The following KIAA0232 variants were observed in gnomAD, a reference collection of about 807,000 sequenced individuals.
The protein encoded by KIAA0232 is uncharacterized protein KIAA0232.
A neutral mutation model predicts 122.0 loss-of-function variants in KIAA0232; 27 were observed. The observed-to-expected ratio is 0.22, with a 90% CI of 0.16 to 0.31. The LOEUF (loss-of-function observed/expected upper bound fraction) is 0.31. Ranked by LOEUF, KIAA0232 falls within the 10% of genes least tolerant of loss-of-function variation. KIAA0232 has a pLI of 1.00. For synonymous variants in KIAA0232, 613 were observed against 587.6 expected (o/e 1.04, Z -0.63); for missense variants, 1,551 against 1,634.2 (o/e 0.95, Z 0.88).
chr4:6,802,202 C>A (rs1178870912), intron 1 of KIAA0232, among the ~76,000 whole-genome samples: 1 of 152,192 alleles, frequency 6.6e-6, no homozygotes, highest in African/African-American at 2.4e-5. Flanking sequence ...TTGGCCAACC[C>A]CATTAGAATA....
At chr4:6,872,506 GAC>G (rs1383512713) in intron 8 of KIAA0232, among the ~76,000 whole-genome samples, 4 of 152,196 alleles carry the variant, frequency 2.6e-5, no homozygotes, top group Non-Finnish European at 4.4e-5. Flanking sequence ...CTTCCAGGTA[GAC>G]ACCCAGAAGT....
At chr4:6,802,054 T>A (rs956613239) in intron 1 of KIAA0232, among the ~76,000 whole-genome samples, 1 of 152,184 alleles carries the variant, frequency 6.6e-6, no homozygotes, top group African/African-American at 2.4e-5. Flanking sequence ...CAAGTTGGGT[T>A]CTCTGGGAAG....
At chr4:6,792,202 C>T (rs1324549498) in intron 1 of KIAA0232, among the ~76,000 whole-genome samples, 5 of 152,128 alleles carry the variant, frequency 3.3e-5, no homozygotes, top group Non-Finnish European at 5.9e-5. Flanking sequence ...TACAGATTTG[C>T]TTTACCATGT....
At chr4:6,808,583 TGA>T (rs1326312607) in intron 2 of KIAA0232, among the ~76,000 whole-genome samples, 1 of 151,322 alleles carries the variant, frequency 6.6e-6, no homozygotes, top group Non-Finnish European at 1.5e-5. Flanking sequence ...AGGAAAATCC[TGA>T]GAGAGTCATG....
chr4:6,823,823 T>C (rs1224219892), intron 2 of KIAA0232, among the ~76,000 whole-genome samples: 2 of 152,104 alleles, frequency 1.3e-5, no homozygotes, highest in Non-Finnish European at 2.9e-5. Context: ...AAGTTCACAA[T>C]GTTGTTTTAA....
intron 3 of KIAA0232, among the ~76,000 whole-genome samples, chr4:6,841,810 A>T (rs1719676444): frequency 6.6e-6 from 1 of 152,256 alleles, no homozygotes; most frequent in Non-Finnish European, 1.5e-5. Context: ...AAGAAGACCT[A>T]AATAAATAGA....
At chr4:6,876,531 G>A (rs761405260) in intron 8 of KIAA0232, 129 bp from the exon 9 acceptor site, 22 of 638,016 alleles carry the variant, frequency 3.4e-5, no homozygotes, top group Non-Finnish European at 4.4e-5. Flanking sequence ...TAAAACCTCC[G>A]AAGGGTTGGG....
At chr4:6,794,570 C>A (rs1245207610) in intron 1 of KIAA0232, among the ~76,000 whole-genome samples, 1 of 152,094 alleles carries the variant, frequency 6.6e-6, no homozygotes, top group Non-Finnish European at 1.5e-5. Context: ...TGGGGTGTTG[C>A]ATCGTATGTG....
In KIAA0232 at chr4:6,862,106, G is replaced by A. The variant is rs1335997262; in HGVS notation, c.1724G>A (p.Gly575Asp). 1 of 1,614,186 alleles carries A rather than the reference G, an allele frequency of 6.2e-7. No homozygotes were observed. The highest frequency in any genetic ancestry group is 1.7e-5 in the Admixed American group (1 of 60,032). ...AIWTDSTSSV[G>D]AEGLFLQDLG... ...TGGACAGATTCTACCAGCTCCGTAG[G>A]TGCTGAGGGCTTATTCCTGCAGGAC... Residue 575 changes from glycine to aspartate, a missense_variant, in exon 7 of 10, where the codon GGT becomes GAT. Physicochemically the swap from Gly to Asp is moderately conservative, Grantham distance 94 (BLOSUM62 -1). Coordinates refer to ENST00000307659, the MANE Select transcript of KIAA0232 (RefSeq NM_014743.3).
rs1720526748 is a variant in KIAA0232 at position 6,855,541 on chromosome 4, A to G, written c.370-1623A>G. Among the ~76,000 whole-genome samples, 1 of 152,188 alleles carries G rather than the reference A, an allele frequency of 6.6e-6. No individual in the cohort carries two copies. Among genetic ancestry groups the G allele is most frequent in the Non-Finnish European group, 1.5e-5 (1 of 68,036 alleles). ...CAAAAAAAATATATGTTTATATATG[A>G]CAGCAAATATATATATATCACTCAT... On this transcript the variant is annotated intron_variant, in intron 4 of 9. Transcript: ENST00000307659. This position sits in a 1 kb window ranked among gnomAD's most constrained non-coding sequence, Gnocchi z 4.3.
At chr4:6,792,968 G>A (rs1409464348) in intron 1 of KIAA0232, among the ~76,000 whole-genome samples, 1 of 152,130 alleles carries the variant, frequency 6.6e-6, no homozygotes, top group Non-Finnish European at 1.5e-5. Context: ...TTACAGGCAT[G>A]AGCCACCGTG....
At chr4:6,843,987 T>G (rs1410701247) in intron 4 of KIAA0232, among the ~76,000 whole-genome samples, 1 of 126,196 alleles carries the variant, frequency 7.9e-6, no homozygotes, top group African/African-American at 2.9e-5. Context: ...TAGCCCAGGC[T>G]GAAGTGCAGT....
At chr4:6,826,171 C>T (rs1718668107) in intron 3 of KIAA0232, among the ~76,000 whole-genome samples, 1 of 152,178 alleles carries the variant, frequency 6.6e-6, no homozygotes, top group Admixed American at 6.5e-5. Flanking sequence ...AGAGGGGTTT[C>T]TCATCATGTC....
At chr4:6,827,027 G>T (rs904187934) in intron 3 of KIAA0232, among the ~76,000 whole-genome samples, 1 of 152,138 alleles carries the variant, frequency 6.6e-6, no homozygotes, top group African/African-American at 2.4e-5. Flanking sequence ...CAGGACACAG[G>T]ACAGATAAAG....
intron 9 of KIAA0232, among the ~76,000 whole-genome samples, chr4:6,878,379 T>TCATATATACATACATACATACATACATA (rs57525303): frequency 2.0e-5 from 3 of 149,198 alleles, no homozygotes; most frequent in South Asian, 2.1e-4. Context: ...CATCATTCAT[T>TCATATATACATACATACATACATACATA]CATACATACA....
At chr4:6,872,153 G>A (rs181883964) in intron 8 of KIAA0232, among the ~76,000 whole-genome samples, 69 of 152,338 alleles carry the variant, frequency 4.5e-4, no homozygotes, top group Non-Finnish European at 8.4e-4. Context: ...AGGGAATGCC[G>A]TTGACAGGAT....
chr4:6,839,305 A>G (rs1225300515), intron 3 of KIAA0232, among the ~76,000 whole-genome samples: 7 of 152,252 alleles, frequency 4.6e-5, no homozygotes, highest in African/African-American at 1.7e-4. Context: ...AATTTTACAT[A>G]TAAGGAATAT....
In KIAA0232 at chr4:6,879,243, C is replaced by T. The variant is rs1335730343; in HGVS notation, c.4009-1544C>T. Among the ~76,000 whole-genome samples the T allele has an allele frequency of 3.9e-5, 6 of 152,150 alleles. No homozygotes were observed. The South Asian group carries it at 1.0e-3, about 26-fold the overall frequency. On this transcript the variant is annotated intron_variant, in intron 9 of 9. Coordinates refer to ENST00000307659, the MANE Select transcript of KIAA0232 (RefSeq NM_014743.3). ...GCAGTATCTTGTTCAGTCCTCACAA[C>T]GACCCTGTGAGGTAGGTACTGTTGT...
intron 1 of KIAA0232, among the ~76,000 whole-genome samples, chr4:6,803,875 G>C (rs1428446396): frequency 1.3e-5 from 2 of 152,062 alleles, no homozygotes; most frequent in African/African-American, 4.8e-5. Flanking sequence ...AAATTTTAAG[G>C]AGATATCCTT....
Sources: gnomAD v4.1 joint callset for allele counts (sites outside exome capture counted in the v4.1 genomes callset) on GRCh38, gnomAD v4.1.1 for gene constraint, Gnocchi (gnomAD v3.1) non-coding constraint, MANE v1.5 for transcripts, NCBI Gene and HGNC (gene_info 2026-07-23, HGNC 2026-07-21) for gene names.